Variants in FAM13A observed in about 807,000 individuals in gnomAD.
The protein encoded by FAM13A is protein FAM13A.
FAM13A carries 76 observed loss-of-function variants against 129.6 expected under a neutral mutation model. That is an observed-to-expected ratio of 0.59 (90% CI 0.49 to 0.71). The LOEUF (loss-of-function observed/expected upper bound fraction) is 0.71. Ranked by LOEUF, FAM13A falls within the 30% of genes least tolerant of loss-of-function variation. The pLI is 0.00. For synonymous variants in FAM13A, 443 were observed against 449.9 expected (o/e 0.98, Z 0.20); for missense variants, 1,108 against 1,249.3 (o/e 0.89, Z 1.70).
intron 4 of FAM13A, among the ~76,000 whole-genome samples, chr4:88,968,750 TAGAC>T (rs1221012511): frequency 5.9e-5 from 9 of 152,108 alleles, no homozygotes; most frequent in African/African-American, 9.7e-5. Flanking sequence ...TTAAACAAAA[TAGAC>T]AGAAGAGCTT....
At chr4:88,943,118 C>T (rs559755618) in intron 4 of FAM13A, among the ~76,000 whole-genome samples, 1 of 152,270 alleles carries the variant, frequency 6.6e-6, no homozygotes, top group Non-Finnish European at 1.5e-5. Flanking sequence ...AAATGAATGA[C>T]TATTATTCAC....
intron 6 of FAM13A, among the ~76,000 whole-genome samples, chr4:88,879,609 G>C (rs183210309): frequency 2.0e-5 from 3 of 152,288 alleles, no homozygotes; most frequent in African/African-American, 7.2e-5. Context: ...GTGGGCCTGG[G>C]GATGGAGGTG....
At chr4:88,917,776 C>A (rs1750343353) in intron 5 of FAM13A, among the ~76,000 whole-genome samples, 1 of 152,164 alleles carries the variant, frequency 6.6e-6, no homozygotes, top group African/African-American at 2.4e-5. Context: ...CTCATTTTCC[C>A]TTCTTTGGAG....
chr4:88,903,838 C>T (rs1747694879), intron 6 of FAM13A, among the ~76,000 whole-genome samples: 1 of 152,116 alleles, frequency 6.6e-6, no homozygotes, highest in Admixed American at 6.6e-5. Context: ...AGTGAACACA[C>T]AACCTGCAGA....
intron 1 of FAM13A, among the ~76,000 whole-genome samples, chr4:89,033,185 T>A (rs1254314713): frequency 6.6e-6 from 1 of 151,378 alleles, no homozygotes; most frequent in African/African-American, 2.4e-5. Flanking sequence ...TAGAAAAAAA[T>A]TAAAATTATC....
intron 4 of FAM13A, among the ~76,000 whole-genome samples, chr4:88,945,132 T>A (rs1185924419): frequency 7.9e-5 from 12 of 152,208 alleles, no homozygotes; most frequent in Admixed American, 7.9e-4. Flanking sequence ...AACTACATTA[T>A]ACCTGTAATT....
chr4:88,807,529 G>A (rs1728812451), intron 7 of FAM13A, among the ~76,000 whole-genome samples: 1 of 152,144 alleles, frequency 6.6e-6, no homozygotes. Context: ...TTACATGTTA[G>A]TTCATTTTTC....
At chr4:88,757,408 T>C (rs1158927929) in intron 14 of FAM13A, among the ~76,000 whole-genome samples, 1 of 152,152 alleles carries the variant, frequency 6.6e-6, no homozygotes, top group African/African-American at 2.4e-5. Context: ...TTTCTTTTAT[T>C]TGGGTAACAG....
chr4:88,962,911 T>C (rs988132844), intron 4 of FAM13A, among the ~76,000 whole-genome samples: 2 of 152,202 alleles, frequency 1.3e-5, no homozygotes, highest in Non-Finnish European at 2.9e-5. Context: ...GTTCATGACA[T>C]ATTATTTAAA....
At chr4:89,002,673 C>T (rs953071895) in intron 3 of FAM13A, among the ~76,000 whole-genome samples, 5 of 152,078 alleles carry the variant, frequency 3.3e-5, no homozygotes, top group Admixed American at 1.3e-4. Flanking sequence ...ATCCCATTTA[C>T]AAAATGTTAT....
intron 16 of FAM13A, 138 bp downstream of exon 16, chr4:88,749,633 A>G: frequency 1.3e-6 from 1 of 768,672 alleles, no homozygotes; most frequent in South Asian, 1.8e-5. Context: ...AGGGTGTACT[A>G]TCCAGGGTTT....
intron 7 of FAM13A, among the ~76,000 whole-genome samples, chr4:88,807,357 GC>G (rs1311060670): frequency 6.6e-6 from 1 of 152,030 alleles, no homozygotes; most frequent in Non-Finnish European, 1.5e-5. Context: ...ATGACTGCGG[GC>G]CAGATCCTAC....
chr4:89,046,457 T>G (rs1039148832), intron 1 of FAM13A, among the ~76,000 whole-genome samples: 1 of 132,598 alleles, frequency 7.5e-6, no homozygotes, highest in African/African-American at 3.0e-5. Flanking sequence ...TGGAATAGAT[T>G]TTCTCAGAAG....
intron 4 of FAM13A, among the ~76,000 whole-genome samples, chr4:88,955,142 TAGTTAG>T (rs1757541056): frequency 6.6e-6 from 1 of 152,114 alleles, no homozygotes; most frequent in East Asian, 1.9e-4. Context: ...AACCATATTA[TAGTTAG>T]AATGTGTTTT....
chr4:88,790,572 C>T lies in FAM13A; in HGVS notation c.1091+14G>A. ...AAAAACCCAAAGCCCAAAAACCCAA[C>T]CCAAATAACTTACTCTCCGGTTGCA... On this transcript the variant is annotated intron_variant, in intron 9 of 23. Transcript: ENST00000264344. 6.5e-7 allele frequency: 1 copy of T among 1,527,734 alleles called. No homozygotes were observed. The highest frequency in any genetic ancestry group is 8.9e-7 in the Non-Finnish European group (1 of 1,129,688). The allele number at this position is 1,527,734 out of a possible 1,614,324, so 94.6% of individuals were successfully genotyped here.
chr4:88,839,833 G>T (rs1251762455), intron 7 of FAM13A, among the ~76,000 whole-genome samples: 1 of 152,212 alleles, frequency 6.6e-6, no homozygotes, highest in Non-Finnish European at 1.5e-5. Flanking sequence ...TTGTCCTGGG[G>T]GGTGGAGGAT....
At chr4:88,957,455 A>G (rs1406542905) in intron 4 of FAM13A, among the ~76,000 whole-genome samples, 2 of 152,208 alleles carry the variant, frequency 1.3e-5, no homozygotes, top group African/African-American at 4.8e-5. Flanking sequence ...TTCCTATAGA[A>G]CTTGCAGAAT....
rs562705219 is a variant in FAM13A, at chr4:88,837,525, G to T, written c.1007+13495C>A. On this transcript the variant is annotated intron_variant, in intron 7 of 23. Transcript: ENST00000264344. Reference sequence around the variant, plus strand: ...GAGGTTGGGAGTTTGAGACCAGCCTGACTAACATGGAGAAAGCCCGTCTGT... The same window carrying T: ...GAGGTTGGGAGTTTGAGACCAGCCTTACTAACATGGAGAAAGCCCGTCTGT... Among the ~76,000 whole-genome samples, 47 of 151,116 alleles carry T rather than the reference G, an allele frequency of 3.1e-4. No homozygotes were observed. The South Asian group carries it at 9.9e-3, about 32-fold the overall frequency.
At chr4:88,841,758 T>G (rs1166361337) in intron 7 of FAM13A, among the ~76,000 whole-genome samples, 5 of 152,070 alleles carry the variant, frequency 3.3e-5, no homozygotes, top group Non-Finnish European at 5.9e-5. Context: ...AAAAAACAGA[T>G]GGTAACAATT....
Sources: gnomAD v4.1 joint callset for allele counts (sites outside exome capture counted in the v4.1 genomes callset) on GRCh38, gnomAD v4.1.1 for gene constraint, MANE v1.5 for transcripts, NCBI Gene and HGNC (gene_info 2026-07-23, HGNC 2026-07-21) for gene names.